Variants in NELL1 observed in about 807,000 individuals in gnomAD.
The protein encoded by NELL1 is neural EGFL like 1, also known as protein kinase C-binding protein NELL1.
NELL1 carries 76 observed loss-of-function variants against 107.4 expected under a neutral mutation model. The observed-to-expected ratio is 0.71, with a 90% CI of 0.59 to 0.86. The LOEUF (loss-of-function observed/expected upper bound fraction) is 0.86. Among genes scored for constraint, NELL1 ranks in the 40% least tolerant of loss-of-function variants. NELL1 has a pLI of 0.00. For synonymous variants in NELL1, 353 were observed against 341.2 expected (o/e 1.03, Z -0.38); for missense variants, 1,024 against 1,005.5 (o/e 1.02, Z -0.25).
intron 12 of NELL1, among the ~76,000 whole-genome samples, chr11:21,041,754 GT>G (rs1187602728): frequency 6.6e-6 from 1 of 152,202 alleles, no homozygotes; most frequent in Non-Finnish European, 1.5e-5. Context: ...ACAAAATCAG[GT>G]GTATAGTGCT....
At chr11:21,081,234 A>G (rs929076234) in intron 12 of NELL1, among the ~76,000 whole-genome samples, 3 of 152,070 alleles carry the variant, frequency 2.0e-5, no homozygotes, top group Admixed American at 6.6e-5. Context: ...CCTTCTTGAG[A>G]CACTTTCTTC....
intron 13 of NELL1, among the ~76,000 whole-genome samples, chr11:21,203,656 T>C (rs1857323362): frequency 6.6e-6 from 1 of 152,168 alleles, no homozygotes. Context: ...CCTGTTGTTA[T>C]GATGCTAGAT....
intron 15 of NELL1, among the ~76,000 whole-genome samples, chr11:21,457,670 T>G (rs145771474): frequency 6.6e-6 from 1 of 152,250 alleles, no homozygotes; most frequent in African/African-American, 2.4e-5. Flanking sequence ...CTACGGTTTA[T>G]GGAAGAAGTT....
chr11:21,429,875 G>A (rs904661876), intron 15 of NELL1, among the ~76,000 whole-genome samples: 3 of 152,100 alleles, frequency 2.0e-5, no homozygotes, highest in Non-Finnish European at 4.4e-5. Flanking sequence ...CTCTTTAAAG[G>A]CAGGAAAGGA....
At chr11:21,392,548 G>A (rs1296666272) in intron 15 of NELL1, among the ~76,000 whole-genome samples, 5 of 151,752 alleles carry the variant, frequency 3.3e-5, no homozygotes, top group Non-Finnish European at 5.9e-5. Flanking sequence ...AGTTTGAGGG[G>A]AAAAGTAGGG....
chr11:21,451,397 A>G (rs1180529487), intron 15 of NELL1, among the ~76,000 whole-genome samples: 1 of 152,082 alleles, frequency 6.6e-6, no homozygotes, highest in Non-Finnish European at 1.5e-5. Context: ...TCAGAAAACT[A>G]TTAAGTGTTA....
chr11:20,736,211 G>T (rs574992806), intron 2 of NELL1, among the ~76,000 whole-genome samples: 7 of 152,246 alleles, frequency 4.6e-5, no homozygotes, highest in Admixed American at 3.9e-4. Context: ...GAAAATAAAT[G>T]AGGCCATGTG....
chr11:20,889,291 G>T (rs556085245), intron 5 of NELL1, among the ~76,000 whole-genome samples: 2 of 152,176 alleles, frequency 1.3e-5, no homozygotes, highest in African/African-American at 4.8e-5. Flanking sequence ...TGAACAGCTG[G>T]TTTTTAAACA....
intron 15 of NELL1, among the ~76,000 whole-genome samples, chr11:21,451,648 A>G (rs2133858968): frequency 6.6e-6 from 1 of 152,340 alleles, no homozygotes; most frequent in African/African-American, 2.4e-5. Flanking sequence ...TTAAATGTAG[A>G]CTGATTAATG....
At chr11:21,092,833 G>T (rs964325983) in intron 12 of NELL1, among the ~76,000 whole-genome samples, 1 of 152,190 alleles carries the variant, frequency 6.6e-6, no homozygotes, top group Non-Finnish European at 1.5e-5. Flanking sequence ...AAGTAGTTGG[G>T]AGGCTTTGGG....
intron 2 of NELL1, among the ~76,000 whole-genome samples, chr11:20,740,599 G>A (rs1011915462): frequency 3.3e-5 from 5 of 152,124 alleles, no homozygotes; most frequent in African/African-American, 1.2e-4. Flanking sequence ...ACAGATTGCT[G>A]CTGATGCTGG....
intron 4 of NELL1, among the ~76,000 whole-genome samples, chr11:20,871,047 T>C (rs1249050399): frequency 6.6e-6 from 1 of 152,104 alleles, no homozygotes; most frequent in Non-Finnish European, 1.5e-5. Context: ...AGAGAAAGAG[T>C]AAAAAAAGCA....
intron 12 of NELL1, among the ~76,000 whole-genome samples, chr11:20,999,832 CA>C (rs1852176076): frequency 6.6e-6 from 1 of 151,910 alleles, no homozygotes; most frequent in African/African-American, 2.4e-5. Flanking sequence ...CAGCTTCAGT[CA>C]ATTAAGGTAG....
chr11:21,511,894 T>C (rs902897677), intron 15 of NELL1, among the ~76,000 whole-genome samples: 1 of 152,090 alleles, frequency 6.6e-6, no homozygotes, highest in Non-Finnish European at 1.5e-5. Context: ...AGAACCCACA[T>C]ATGGACAATA....
At chr11:21,029,346 T>C (rs1383997282) in intron 12 of NELL1, among the ~76,000 whole-genome samples, 1 of 152,188 alleles carries the variant, frequency 6.6e-6, no homozygotes, top group African/African-American at 2.4e-5. Flanking sequence ...ACTGTCTTCC[T>C]TTGATTTTTA....
chr11:20,884,249 C>T (rs894369804), intron 4 of NELL1, among the ~76,000 whole-genome samples: 2 of 152,200 alleles, frequency 1.3e-5, no homozygotes, highest in African/African-American at 4.8e-5. Flanking sequence ...CACAAGTGGA[C>T]AGTCTTTCAG....
chr11:20,790,644 A>T (rs1007871904), intron 3 of NELL1, among the ~76,000 whole-genome samples: 1 of 151,980 alleles, frequency 6.6e-6, no homozygotes, highest in African/African-American at 2.4e-5. Flanking sequence ...CCAGCGAGGT[A>T]GGACTCCTAC....
intron 5 of NELL1, among the ~76,000 whole-genome samples, chr11:20,902,077 A>G (rs1328675930): frequency 4.6e-5 from 7 of 152,112 alleles, no homozygotes; most frequent in Non-Finnish European, 7.4e-5. Context: ...AGACAACATA[A>G]GAACATATCT....
chr11:21,023,573 AT>A (rs200409400), intron 12 of NELL1, among the ~76,000 whole-genome samples: 2,168 of 150,224 alleles, frequency 0.014, 23 homozygotes, highest in Non-Finnish European at 0.024. Context: ...ATGCTGCTAA[AT>A]TTTTTTTTTA....
Sources: gnomAD v4.1 joint callset for allele counts (sites outside exome capture counted in the v4.1 genomes callset) on GRCh38, gnomAD v4.1.1 for gene constraint, MANE v1.5 for transcripts, NCBI Gene and HGNC (gene_info 2026-07-23, HGNC 2026-07-21) for gene names.